Variants in NCAM1 observed in about 807,000 individuals in gnomAD.
NCAM1 encodes neural cell adhesion molecule 1.
Under a neutral mutation model 109.8 loss-of-function variants are expected in NCAM1, and 14 were observed. The observed-to-expected ratio is 0.13, with a 90% CI of 0.08 to 0.20. The LOEUF (loss-of-function observed/expected upper bound fraction) is 0.20. Among genes scored for constraint, NCAM1 ranks in the 10% least tolerant of loss-of-function variants. The probability of loss-of-function intolerance (pLI) is 1.00; values close to 1 mark genes in which losing one functional copy is unlikely to be tolerated. For synonymous variants in NCAM1, 418 were observed against 442.9 expected (o/e 0.94, Z 0.70); for missense variants, 774 against 1,109.9 (o/e 0.70, Z 4.30).
At chr11:113,021,345 A>G (rs1484480248) in intron 1 of NCAM1, among the ~76,000 whole-genome samples, 1 of 152,200 alleles carries the variant, frequency 6.6e-6, no homozygotes, top group African/African-American at 2.4e-5. Flanking sequence ...TTAGGACTGC[A>G]GGAGTCCAGG....
intron 1 of NCAM1, among the ~76,000 whole-genome samples, chr11:113,147,410 A>G (rs1555101512): frequency 6.6e-6 from 1 of 152,242 alleles, no homozygotes; most frequent in African/African-American, 2.4e-5. Context: ...CCTTTGCAGG[A>G]GTGGAGGACA....
intron 8 of NCAM1, among the ~76,000 whole-genome samples, chr11:113,216,935 T>G (rs1285344515): frequency 6.6e-6 from 1 of 152,214 alleles, no homozygotes; most frequent in Non-Finnish European, 1.5e-5. Context: ...CAGCCTCTCC[T>G]CATGTTCTCC....
chr11:113,238,934 G>A (rs1289289561), intron 14 of NCAM1, among the ~76,000 whole-genome samples: 1 of 152,224 alleles, frequency 6.6e-6, no homozygotes, highest in East Asian at 1.9e-4. Flanking sequence ...TGTCAGGTGA[G>A]ACCAGCGCAT....
chr11:113,195,857 C>T lies in NCAM1; in HGVS notation c.53-6522C>T, dbSNP rs528370606. Reference sequence around the variant, plus strand: ...TGAATTCAATAGTATATAAGAGGCCCCTGTTATCTCATTCTCATTACATGT... The same window carrying T: ...TGAATTCAATAGTATATAAGAGGCCTCTGTTATCTCATTCTCATTACATGT... On this transcript the variant is annotated intron_variant, in intron 1 of 19. Transcript: ENST00000316851. Among the ~76,000 whole-genome samples, 5 of 151,626 alleles carry T rather than the reference C, an allele frequency of 3.3e-5. No homozygotes were observed. The East Asian group carries it at 9.7e-4, about 29-fold the overall frequency.
Position 113,270,001 on chromosome 11 carries a change from A to C in NCAM1, c.2132-187A>C, listed in dbSNP as rs1376701662. 1.5e-5 allele frequency: 9 copies of C among 613,346 alleles called. No homozygotes were observed. In the East Asian group the frequency reaches 2.5e-4, roughly 17 times the overall value. 38.0% of individuals were successfully genotyped at this position (613,346 alleles called of 1,614,324 possible). A position where few individuals can be genotyped will look rare whatever the true frequency, so the allele number is the denominator to read the frequency against. On this transcript the variant is annotated intron_variant, in intron 17 of 19. Transcript: ENST00000316851. Reference sequence around the variant, plus strand: ...ATGATGTTGTCATCCCTCCCTCTGGAAGGTATAGAAAGACCCTGTTTTCTC... The same window carrying C: ...ATGATGTTGTCATCCCTCCCTCTGGCAGGTATAGAAAGACCCTGTTTTCTC...
At chr11:113,145,693 G>A (rs1941991892) in intron 1 of NCAM1, among the ~76,000 whole-genome samples, 1 of 152,074 alleles carries the variant, frequency 6.6e-6, no homozygotes, top group Admixed American at 6.6e-5. Flanking sequence ...TCCACTTCAT[G>A]TGTGTGTCAA....
chr11:113,163,406 G>T (rs1942670019), intron 1 of NCAM1, among the ~76,000 whole-genome samples: 1 of 152,194 alleles, frequency 6.6e-6, no homozygotes, highest in African/African-American at 2.4e-5. Flanking sequence ...TCACCCAGGG[G>T]AATAGGATGT....
intron 1 of NCAM1, among the ~76,000 whole-genome samples, chr11:113,172,949 C>T (rs1169598394): frequency 6.6e-6 from 1 of 152,200 alleles, no homozygotes; most frequent in Non-Finnish European, 1.5e-5. Context: ...AATAGTTTTT[C>T]CCATGATGTT....
intron 1 of NCAM1, among the ~76,000 whole-genome samples, chr11:112,975,892 G>A (rs1950993591): frequency 6.6e-6 from 1 of 151,852 alleles, no homozygotes; most frequent in African/African-American, 2.4e-5. Context: ...TTATTTTTGA[G>A]AATATAAACA....
chr11:113,037,223 C>T (rs893897146), intron 1 of NCAM1, among the ~76,000 whole-genome samples: 6 of 152,240 alleles, frequency 3.9e-5, no homozygotes, highest in East Asian at 1.9e-4. Context: ...TTAGAGAGGA[C>T]GTTATTATCA....
At chr11:113,087,421 G>T (rs554019832) in intron 1 of NCAM1, among the ~76,000 whole-genome samples, 2 of 152,166 alleles carry the variant, frequency 1.3e-5, no homozygotes, top group Non-Finnish European at 2.9e-5. Flanking sequence ...TTTTTTGTTT[G>T]TTGTTTTGCT....
At position 113,166,196 on chromosome 11, in the gene NCAM1, T is replaced by C. The variant is rs1555105249; in HGVS notation, c.53-36183T>C. Among the ~76,000 whole-genome samples the C allele has an allele frequency of 2.6e-5, 4 of 152,110 alleles. 1 individual carries two copies. The highest frequency in any genetic ancestry group is 2.0e-4 in the Admixed American group (3 of 15,272). Reference sequence around the variant, plus strand: ...GCCTTCTCCCTGGGAAATGTGATAATGATCAGAAAAATAGCAAAAAGGCAA... The same window carrying C: ...GCCTTCTCCCTGGGAAATGTGATAACGATCAGAAAAATAGCAAAAAGGCAA... On this transcript the variant is annotated intron_variant, in intron 1 of 19. Transcript: ENST00000316851.
At chr11:113,243,084 A>T in intron 14 of NCAM1, 39 of 690,106 alleles carry the variant, frequency 5.7e-5, no homozygotes, top group Non-Finnish European at 6.6e-5. Context: ...GTGCATGAGG[A>T]GGCTTTTCCA....
intron 1 of NCAM1, among the ~76,000 whole-genome samples, chr11:113,055,101 T>G (rs560356016): frequency 1.3e-5 from 2 of 152,360 alleles, no homozygotes; most frequent in South Asian, 4.1e-4. Flanking sequence ...TGAAATGTTT[T>G]ACTATACTTC....
At position 113,235,058 on chromosome 11, in the gene NCAM1, C is replaced by A. The variant is rs17115214; in HGVS notation, c.1719C>A (p.Ile573=). The A allele has an allele frequency of 6.4e-7, 1 of 1,567,898 alleles. No homozygotes were observed. The highest frequency in any genetic ancestry group is 2.4e-5 in the East Asian group (1 of 41,896). Residue 573 remains isoleucine, a synonymous_variant, in exon 14 of 20, where the codon ATC becomes ATA. Transcript: ENST00000316851. ...CCAGCATGGAGGGCATCGTCACCAT[C>A]GTGGGCCTGAAGCCCGAAACAACGT... is the stretch of plus-strand genomic sequence containing the variant. The part of the protein sequence containing the change: ...KEASMEGIVT[I]VGLKPETTYA...
chr11:113,200,755 T>G (rs1405947250), intron 1 of NCAM1, among the ~76,000 whole-genome samples: 1 of 152,068 alleles, frequency 6.6e-6, no homozygotes, highest in Admixed American at 6.5e-5. Context: ...ATAATCACAC[T>G]TGCACTGCGG....
chr11:113,123,776 G>T (rs1215618414), intron 1 of NCAM1, among the ~76,000 whole-genome samples: 1 of 152,188 alleles, frequency 6.6e-6, no homozygotes, highest in Non-Finnish European at 1.5e-5. Flanking sequence ...GCTCCTGGTG[G>T]TACAGCCCAC....
At position 113,070,786 on chromosome 11, in the gene NCAM1, T is replaced by C. The variant is rs1373063304; in HGVS notation, c.52+109122T>C. On this transcript the variant is annotated intron_variant, in intron 1 of 19. Transcript: ENST00000316851. ...TAAAGGAAAAGATAAGGTCATTTGC[T>C]GATAGACAGGGGAGAAAAGGCAGGA... Among the ~76,000 whole-genome samples the C allele has an allele frequency of 1.6e-4, 25 of 152,122 alleles. 1 individual carries two copies. The highest frequency in any genetic ancestry group is 1.6e-3 in the Admixed American group (25 of 15,266).
At chr11:113,013,338 A>G (rs1280990639) in intron 1 of NCAM1, among the ~76,000 whole-genome samples, 1 of 150,702 alleles carries the variant, frequency 6.6e-6, no homozygotes, top group Non-Finnish European at 1.5e-5. Flanking sequence ...AGCTGGGAGA[A>G]TCCCTTGAAC....
Sources: gnomAD v4.1 joint callset for allele counts (sites outside exome capture counted in the v4.1 genomes callset) on GRCh38, gnomAD v4.1.1 for gene constraint, MANE v1.5 for transcripts, NCBI Gene and HGNC (gene_info 2026-07-23, HGNC 2026-07-21) for gene names.